Variants in DCAF6 observed in about 807,000 individuals in gnomAD.
DCAF6 encodes the protein DDB1- and CUL4-associated factor 6.
DCAF6 carries 54 observed loss-of-function variants against 125.1 expected under a neutral mutation model. The ratio of observed to expected loss-of-function variants is 0.43; its 90% CI spans 0.35 to 0.54. The LOEUF (loss-of-function observed/expected upper bound fraction) is 0.54, where lower values mean the gene tolerates loss of function less well. DCAF6 is among the 20% of genes least tolerant of loss of function. The probability of loss-of-function intolerance (pLI) is 0.01; values close to 1 mark genes in which losing one functional copy is unlikely to be tolerated. For missense variants in DCAF6, 934 were observed against 1,161.7 expected, an observed-to-expected ratio of 0.80 and a Z score of 2.85; for synonymous variants, 371 against 390.4, an observed-to-expected ratio of 0.95 and a Z score of 0.58.
the DCAF6 span, among the ~76,000 whole-genome samples, chr1:167,870,584 G>A: frequency 6.7e-6 from 1 of 150,114 alleles, no homozygotes; most frequent in South Asian, 2.1e-4. Flanking sequence ...GCTGAGGTCA[G>A]GAGTTCGTGA....
At chr1:167,979,867 A>G (rs1678846293) in intron 4 of DCAF6, among the ~76,000 whole-genome samples, 1 of 149,394 alleles carries the variant, frequency 6.7e-6, no homozygotes, top group African/African-American at 2.5e-5. Context: ...AGCGTGGGTG[A>G]CAGAGTGAGA....
the DCAF6 span, chr1:167,883,598 A>G: frequency 6.2e-7 from 1 of 1,614,256 alleles, no homozygotes; most frequent in Non-Finnish European, 8.5e-7. Context: ...CGAAGCTCAG[A>G]TAAATAGCCC....
the DCAF6 span, among the ~76,000 whole-genome samples, chr1:167,872,033 A>C: frequency 2.0e-5 from 3 of 152,024 alleles, no homozygotes; most frequent in Non-Finnish European, 2.9e-5. Flanking sequence ...ATAAAAAATA[A>C]ATAAATAAAA....
At chr1:168,041,197 A>G (rs1489465166) in intron 13 of DCAF6, among the ~76,000 whole-genome samples, 1 of 152,068 alleles carries the variant, frequency 6.6e-6, no homozygotes, top group East Asian at 1.9e-4. Context: ...GAAGGCCCTC[A>G]TTGATTGTTA....
At chr1:167,972,083 T>G (rs796218213) in intron 3 of DCAF6, among the ~76,000 whole-genome samples, 2 of 152,342 alleles carry the variant, frequency 1.3e-5, no homozygotes, top group African/African-American at 2.4e-5. Context: ...CTCGAACTCC[T>G]GACTTCAGGT....
rs369378256 is a variant in DCAF6, at chr1:167,962,171, T to C, written c.160-4458T>C. 7.9e-4 allele frequency among the ~76,000 whole-genome samples: 120 copies of C among 152,282 alleles called. 1 individual carries two copies. In the South Asian group the frequency reaches 0.022, roughly 28 times the overall value. On this transcript the variant is annotated intron_variant, in intron 2 of 21. Transcript: ENST00000367840. ...TTTAGAGGACTGTATATTCTGCTGT[T>C]GTTGAATGAAGTAGTCTATAAATGT...
the DCAF6 span, chr1:167,903,867 A>T: frequency 6.4e-7 from 1 of 1,557,128 alleles, no homozygotes; most frequent in Non-Finnish European, 8.9e-7. Context: ...CTCAAGCCAG[A>T]AACCTATGGG....
chr1:167,981,484 C>A (rs1679119687), intron 4 of DCAF6, among the ~76,000 whole-genome samples: 2 of 152,144 alleles, frequency 1.3e-5, no homozygotes, highest in Non-Finnish European at 2.9e-5. Flanking sequence ...TACCCAGGAA[C>A]TGAGCATAGT....
rs1159176015 is a variant in DCAF6 at position 167,937,049 on chromosome 1, C to T, written c.97+41C>T. ...GGGGCGGAGGCGCTGAGGTCGCCGC[C>T]TAGAGTGGGGGAGGGGGCACGCTGC... On this transcript the variant is annotated intron_variant, in intron 1 of 21. Coordinates refer to ENST00000367840, the MANE Select transcript of DCAF6 (RefSeq NM_001198956.2). 4.5e-6 allele frequency: 7 copies of T among 1,541,490 alleles called. No homozygotes were observed. The Admixed American group carries it at 5.5e-5, about 12-fold the overall frequency.
At chr1:167,929,820 T>G in the DCAF6 span, among the ~76,000 whole-genome samples, 2 of 152,182 alleles carry the variant, frequency 1.3e-5, no homozygotes, top group Non-Finnish European at 1.5e-5. Flanking sequence ...TATATCCCTC[T>G]GTGAAAAATA....
chr1:168,003,242 A>G (rs1457957734), intron 8 of DCAF6, among the ~76,000 whole-genome samples: 4 of 152,174 alleles, frequency 2.6e-5, no homozygotes, highest in Non-Finnish European at 5.9e-5. Context: ...TTATAAGACT[A>G]TAGAATAGAG....
chr1:168,061,646 G>A (rs57607860), intron 17 of DCAF6, among the ~76,000 whole-genome samples: 102 of 152,038 alleles, frequency 6.7e-4, no homozygotes, highest in African/African-American at 2.4e-3. Flanking sequence ...CTCAATTACA[G>A]TTGTGCAGTG....
At chr1:167,954,859 C>T (rs1400714336) in intron 2 of DCAF6, among the ~76,000 whole-genome samples, 1 of 152,186 alleles carries the variant, frequency 6.6e-6, no homozygotes, top group Admixed American at 6.5e-5. Context: ...GTCATCACCA[C>T]ATTCATGATG....
chr1:167,899,665 T>C, the DCAF6 span: 2 of 1,597,846 alleles, frequency 1.3e-6, no homozygotes, highest in Non-Finnish European at 1.7e-6. Flanking sequence ...GCACAAGAAG[T>C]TCTGGATTAT....
intron 4 of DCAF6, among the ~76,000 whole-genome samples, chr1:167,977,509 A>C (rs1678433272): frequency 6.6e-6 from 1 of 151,326 alleles, no homozygotes; most frequent in African/African-American, 2.4e-5. Flanking sequence ...ACTACTTTTA[A>C]TTTTGTTTTT....
At chr1:168,042,886 C>T in intron 13 of DCAF6, 139 bp from the exon 14 acceptor site, 2 of 571,362 alleles carry the variant, frequency 3.5e-6, no homozygotes, top group Non-Finnish European at 6.2e-6. Context: ...ATGATGTTTA[C>T]AAATGCTATT....
At chr1:167,864,740 C>T in the DCAF6 span, among the ~76,000 whole-genome samples, 89 of 152,110 alleles carry the variant, frequency 5.9e-4, no homozygotes, top group African/African-American at 2.0e-3. Context: ...AGGTATTCTC[C>T]GTAACCCTGT....
the DCAF6 span, among the ~76,000 whole-genome samples, chr1:167,872,796 A>C: frequency 1.9e-4 from 29 of 149,862 alleles, no homozygotes; most frequent in South Asian, 6.1e-3. Context: ...CATAGGCTGC[A>C]CGCAGTGGCT....
intron 4 of DCAF6, among the ~76,000 whole-genome samples, chr1:167,983,611 A>C (rs541454165): frequency 6.6e-6 from 1 of 152,354 alleles, no homozygotes; most frequent in East Asian, 1.9e-4. Context: ...GAGATGTTAG[A>C]GTAGGGCCTT....
Sources: allele counts gnomAD v4.1 joint callset (sites outside exome capture counted in the v4.1 genomes callset), GRCh38; gene constraint gnomAD v4.1.1; transcripts MANE v1.5; gene names NCBI Gene and HGNC (gene_info 2026-07-23, HGNC 2026-07-21).